The following TMEM233 variants were observed in gnomAD, a reference collection of about 807,000 sequenced individuals.
TMEM233 encodes dispanin subfamily B member 2.
In TMEM233, 6 loss-of-function variants were observed where a neutral mutation model predicts 11.2. That is an observed-to-expected ratio of 0.54 (90% confidence interval 0.29 to 1.06). TMEM233 has a LOEUF of 1.06. TMEM233 is among the 50% of genes least tolerant of loss of function. TMEM233 has a pLI of 0.08. For missense variants in TMEM233, 127 were observed against 144.7 expected (o/e 0.88, Z 0.63); for synonymous variants, 59 against 55.8 (o/e 1.06, Z -0.26).
At chr12:119,621,375 G>T (rs965792807) in intron 1 of TMEM233, among the ~76,000 whole-genome samples, 2 of 152,054 alleles carry the variant, frequency 1.3e-5, no homozygotes, top group African/African-American at 4.8e-5. Context: ...AGAGACAAGG[G>T]TCTTGCTATG....
At chr12:119,629,623 G>A in intron 1 of TMEM233, 113 bp from the exon 2 acceptor site, 1 of 1,136,688 alleles carries the variant, frequency 8.8e-7, no homozygotes, top group Admixed American at 3.1e-5. Context: ...TCAGTGAGAT[G>A]AGCAAAGTCA....
chr12:119,636,343 C>T (rs749209333), intron 2 of TMEM233, among the ~76,000 whole-genome samples: 1 of 152,168 alleles, frequency 6.6e-6, no homozygotes, highest in Non-Finnish European at 1.5e-5. Context: ...AGCTCTGTGT[C>T]AAGAACCAGA....
chr12:119,640,477 GCACGTAC>G (rs959442941), intron 2 of TMEM233, among the ~76,000 whole-genome samples: 3 of 151,998 alleles, frequency 2.0e-5, no homozygotes, highest in African/African-American at 7.2e-5. Flanking sequence ...TTGTTTTTTT[GCACGTAC>G]CACATGTAAG....
chr12:119,652,727 GAAGCCCGACAGAA>G, the TMEM233 span, among the ~76,000 whole-genome samples: 2 of 152,206 alleles, frequency 1.3e-5, no homozygotes, highest in African/African-American at 4.8e-5. Context: ...CTGTATTTGT[GAAGCCCGACAGAA>G]AACAAAACCA....
chr12:119,640,676 C>G, intron 2 of TMEM233, 23 bp from the exon 3 acceptor site: 44 of 1,549,932 alleles, frequency 2.8e-5, no homozygotes, highest in Non-Finnish European at 3.7e-5. Context: ...CTTTCTCTCT[C>G]TCTCTCTGTC....
intron 2 of TMEM233, among the ~76,000 whole-genome samples, chr12:119,634,946 C>T (rs1954944623): frequency 6.6e-6 from 1 of 152,198 alleles, no homozygotes; most frequent in Non-Finnish European, 1.5e-5. Flanking sequence ...AATTATTCAA[C>T]TGAAATATTA....
At chr12:119,635,684 T>C (rs1954959408) in intron 2 of TMEM233, among the ~76,000 whole-genome samples, 1 of 152,176 alleles carries the variant, frequency 6.6e-6, no homozygotes, top group South Asian at 2.1e-4. Context: ...GCCTCCCATT[T>C]CAGATGCTAA....
chr12:119,633,021 T>C (rs993125493), intron 2 of TMEM233, among the ~76,000 whole-genome samples: 18 of 152,046 alleles, frequency 1.2e-4, no homozygotes, highest in African/African-American at 4.1e-4. Flanking sequence ...ATGTCTCTGC[T>C]TGTGATTGAA....
chr12:119,621,532 G>GTGTCTGTGCCT (rs1456238773), intron 1 of TMEM233, among the ~76,000 whole-genome samples: 2 of 152,120 alleles, frequency 1.3e-5, no homozygotes, highest in African/African-American at 4.8e-5. Flanking sequence ...AAACTTCTGT[G>GTGTCTGTGCCT]TGTCTGTGCC....
chr12:119,634,395 GC>G, intron 2 of TMEM233: 1 of 420,376 alleles, frequency 2.4e-6, no homozygotes, highest in Non-Finnish European at 3.2e-6. Flanking sequence ...ATCTCTTGAG[GC>G]CAGGAGTTTA....
At chr12:119,597,139 G>A (rs1213903882) in intron 1 of TMEM233, among the ~76,000 whole-genome samples, 2 of 152,230 alleles carry the variant, frequency 1.3e-5, no homozygotes, top group Non-Finnish European at 2.9e-5. Flanking sequence ...GGAAGGATGT[G>A]CAGTAGAAAG....
rs1955077867 is a variant in TMEM233, at chr12:119,641,149, GC to G, written c.*445del. 6.2e-6 allele frequency: 1 copy of G among 161,410 alleles called. No individual in the cohort carries two copies. The highest frequency in any genetic ancestry group is 6.2e-5 in the Admixed American group (1 of 16,084). The allele number at this position is 161,410 out of a possible 1,614,324, so 10.0% of individuals were successfully genotyped here. A position where few individuals can be genotyped will look rare whatever the true frequency, so the allele number is the denominator to read the frequency against. ...ACAATGTTGAGCACAAACATTTGCA[GC>G]ATGTTTAAAATTGTCTAGTAGAGTT... On this transcript the variant is annotated 3_prime_UTR_variant, in exon 3 of 3. Coordinates refer to ENST00000426426, the MANE Select transcript of TMEM233 (RefSeq NM_001136534.3).
chr12:119,619,247 T>C (rs769908316), intron 1 of TMEM233, among the ~76,000 whole-genome samples: 3 of 152,182 alleles, frequency 2.0e-5, no homozygotes, highest in African/African-American at 4.8e-5. Context: ...CAGTTAAACC[T>C]CTTTCCTTTA....
At chr12:119,650,075 G>A in the TMEM233 span, among the ~76,000 whole-genome samples, 5 of 151,314 alleles carry the variant, frequency 3.3e-5, no homozygotes, top group African/African-American at 1.2e-4. Flanking sequence ...GGAGAATGGC[G>A]TGAACCCGGG....
At chr12:119,609,163 G>A (rs1954343699) in intron 1 of TMEM233, among the ~76,000 whole-genome samples, 1 of 152,168 alleles carries the variant, frequency 6.6e-6, no homozygotes. Context: ...CTCAGATGGA[G>A]ATAAGGAACT....
chr12:119,600,730 A>G (rs1311893042), intron 1 of TMEM233, among the ~76,000 whole-genome samples: 1 of 152,208 alleles, frequency 6.6e-6, no homozygotes, highest in East Asian at 1.9e-4. Context: ...TGAAATACCT[A>G]GAGTGGTCTA....
At position 119,643,037 on chromosome 12, in the gene TMEM233, C is replaced by T. The variant is rs1955108314; in HGVS notation, c.*2332C>T. 1 of 152,200 alleles carries T rather than the reference C, an allele frequency of 6.6e-6. No homozygotes were observed. Among genetic ancestry groups the T allele is most frequent in the African/African-American group, 2.4e-5 (1 of 41,446 alleles). 9.4% of individuals were successfully genotyped at this position (152,200 alleles called of 1,614,324 possible). A position where few individuals can be genotyped will look rare whatever the true frequency, so the allele number is the denominator to read the frequency against. On this transcript the variant is annotated 3_prime_UTR_variant, in exon 3 of 3. Transcript: ENST00000426426. ...CCCAAATCAAATGAAAAGTGTTGCT[C>T]AGAGGCAGAATAAAAATGGTTTTAA...
At chr12:119,598,915 T>C (rs1290554031) in intron 1 of TMEM233, among the ~76,000 whole-genome samples, 1 of 152,178 alleles carries the variant, frequency 6.6e-6, no homozygotes, top group Non-Finnish European at 1.5e-5. Flanking sequence ...ATTCAATAAG[T>C]ATTGATGTTG....
intron 1 of TMEM233, among the ~76,000 whole-genome samples, chr12:119,608,585 G>A (rs76228064): frequency 0.016 from 2,506 of 152,290 alleles, 75 homozygotes; most frequent in African/African-American, 0.057. Context: ...AGCCCCTGCC[G>A]CCATGGTTAA....
Sources: allele counts gnomAD v4.1 joint callset (sites outside exome capture counted in the v4.1 genomes callset), GRCh38; gene constraint gnomAD v4.1.1; transcripts MANE v1.5; gene names NCBI Gene and HGNC (gene_info 2026-07-23, HGNC 2026-07-21).